The following LRP1B variants were observed in gnomAD, a reference collection of about 807,000 sequenced individuals.
The protein encoded by LRP1B is LDL receptor related protein 1B.
In LRP1B, 217 loss-of-function variants were observed where a neutral mutation model predicts 556.6. The observed-to-expected ratio is 0.39, with a 90% CI of 0.35 to 0.44. The LOEUF (loss-of-function observed/expected upper bound fraction) is 0.44, where lower values mean the gene tolerates loss of function less well. Ranked by LOEUF, LRP1B falls within the 20% of genes least tolerant of loss-of-function variation. LRP1B has a pLI of 1.00. For missense variants in LRP1B, 5,053 were observed against 5,620.8 expected, an observed-to-expected ratio of 0.90 and a Z score of 3.23; for synonymous variants, 2,047 against 1,865.8, an observed-to-expected ratio of 1.10 and a Z score of -2.50.
chr2:140,814,513 C>A (rs1691037874), intron 31 of LRP1B, among the ~76,000 whole-genome samples: 1 of 152,130 alleles, frequency 6.6e-6, no homozygotes, highest in Admixed American at 6.5e-5. Flanking sequence ...CTTCATTATG[C>A]CACTTTGCCT....
At chr2:140,380,999 T>C (rs147524258) in intron 67 of LRP1B, among the ~76,000 whole-genome samples, 1,595 of 152,276 alleles carry the variant, frequency 0.01, 32 homozygotes, top group African/African-American at 0.037. Context: ...TTTTTAAAAA[T>C]GCCAGCAAAT....
chr2:140,781,660 T>A (rs1235403135), intron 32 of LRP1B, among the ~76,000 whole-genome samples: 1 of 152,178 alleles, frequency 6.6e-6, no homozygotes, highest in Non-Finnish European at 1.5e-5. Flanking sequence ...CTGCTATTAG[T>A]GCTATGAAGA....
intron 79 of LRP1B, among the ~76,000 whole-genome samples, chr2:140,330,199 CAATAAT>C (rs70985089): frequency 0.12 from 16,081 of 137,904 alleles, 998 homozygotes; most frequent in Middle Eastern, 0.17. Context: ...GACTCTGTCT[CAATAAT>C]AATAATAATA....
chr2:141,289,163 T>C (rs1182266368), intron 3 of LRP1B, among the ~76,000 whole-genome samples: 1 of 151,664 alleles, frequency 6.6e-6, no homozygotes. Flanking sequence ...GGCGGGTGGA[T>C]CACGAGGTCA....
In LRP1B at chr2:140,819,907, C is replaced by G. The variant is rs576037546; in HGVS notation, c.5210-6101G>C. On this transcript the variant is annotated intron_variant, in intron 31 of 90. Coordinates refer to ENST00000389484, the MANE Select transcript of LRP1B (RefSeq NM_018557.3). ...ACATTTTCTTATAAAATTCAGCACACTAATGCAATATGACCCAGTATTGCA... is the reference window on the plus strand; with the variant it reads ...ACATTTTCTTATAAAATTCAGCACAGTAATGCAATATGACCCAGTATTGCA... Among the ~76,000 whole-genome samples the G allele has an allele frequency of 3.9e-5, 6 of 152,276 alleles. No homozygotes were observed. The East Asian group carries it at 1.2e-3, about 30-fold the overall frequency.
At chr2:141,441,974 T>C (rs773876193) in intron 3 of LRP1B, among the ~76,000 whole-genome samples, 3 of 152,176 alleles carry the variant, frequency 2.0e-5, no homozygotes, top group South Asian at 2.1e-4. Flanking sequence ...AAAAGAGCTC[T>C]TAAAACATCA....
chr2:141,549,241 T>C lies in LRP1B; in HGVS notation c.206-68708A>G, dbSNP rs188284763. 1.9e-3 allele frequency among the ~76,000 whole-genome samples: 291 copies of C among 152,248 alleles called. 3 individuals carry two copies. The highest frequency in any genetic ancestry group is 6.8e-3 in the African/African-American group (283 of 41,558). The stretch of plus-strand genomic sequence containing the variant: ...AGTATCCACATCCCAAAAATGGAGA[T>C]GATAAATGTAAACCTCATGACGTTA... On this transcript the variant is annotated intron_variant, in intron 2 of 90. Coordinates refer to ENST00000389484, the MANE Select transcript of LRP1B (RefSeq NM_018557.3).
intron 7 of LRP1B, among the ~76,000 whole-genome samples, chr2:141,177,714 G>C (rs1008868389): frequency 6.6e-6 from 1 of 152,040 alleles, no homozygotes; most frequent in East Asian, 1.9e-4. Context: ...GGACTCCCAG[G>C]TTCAGACTTT....
intron 9 of LRP1B, among the ~76,000 whole-genome samples, chr2:141,057,363 C>A (rs930399745): frequency 3.9e-5 from 6 of 151,972 alleles, no homozygotes; most frequent in African/African-American, 9.6e-5. Flanking sequence ...GGTATTCTTG[C>A]CACTCCTTGA....
intron 71 of LRP1B, among the ~76,000 whole-genome samples, chr2:140,366,585 AAG>A (rs1170826085): frequency 6.6e-6 from 1 of 151,778 alleles, no homozygotes; most frequent in Non-Finnish European, 1.5e-5. Flanking sequence ...GAGTCTACAA[AAG>A]AGACTGAGAA....
chr2:140,904,480 T>C lies in LRP1B; in HGVS notation c.3521-1315A>G, dbSNP rs767378796. Among the ~76,000 whole-genome samples, 66 of 152,260 alleles carry C rather than the reference T, an allele frequency of 4.3e-4. 1 individual carries two copies. Among genetic ancestry groups the C allele is most frequent in the Admixed American group, 7.2e-4 (11 of 15,274 alleles). On this transcript the variant is annotated intron_variant, in intron 22 of 90. Coordinates refer to ENST00000389484, the MANE Select transcript of LRP1B (RefSeq NM_018557.3). Reference sequence around the variant, plus strand: ...TAATGCAAATATTTCTGGTTGTCTATGAAAATGTATCCAGTATGAAAATTG... The same window carrying C: ...TAATGCAAATATTTCTGGTTGTCTACGAAAATGTATCCAGTATGAAAATTG...
intron 45 of LRP1B, among the ~76,000 whole-genome samples, chr2:140,537,890 G>C (rs564431527): frequency 6.6e-6 from 1 of 152,110 alleles, no homozygotes; most frequent in South Asian, 2.1e-4. Flanking sequence ...TTATTATTCA[G>C]TAATAGATTT....
intron 60 of LRP1B, among the ~76,000 whole-genome samples, chr2:140,464,121 G>A (rs1324675969): frequency 6.6e-6 from 1 of 151,984 alleles, no homozygotes; most frequent in Non-Finnish European, 1.5e-5. Context: ...GCTTGAATCC[G>A]GGAGGCAGAG....
chr2:141,437,868 C>T (rs1680820913), intron 3 of LRP1B, among the ~76,000 whole-genome samples: 1 of 151,964 alleles, frequency 6.6e-6, no homozygotes, highest in Non-Finnish European at 1.5e-5. Context: ...GAACTAAGAC[C>T]TTCTGCAAGG....
In LRP1B at chr2:140,495,715, C is replaced by T. The variant is rs1688895561; in HGVS notation, c.8884G>A (p.Asp2962Asn). ...KCWPGFQLKD[D>N]GKTCVDIDEC... ...TCAATGTCTACACATGTTTTGCCGT[C>T]ATCCTTCAGTTGGAATCCAGGCCAG... The change falls in exon 56 of 91, where the codon GAC (aspartate) becomes AAC (asparagine). Residue 2962 changes from aspartate to asparagine, a missense_variant. Asp to Asn is a conservative substitution (Grantham distance 23). Coordinates refer to ENST00000389484, the MANE Select transcript of LRP1B (RefSeq NM_018557.3). 8 of 1,611,230 alleles carry T rather than the reference C, an allele frequency of 5.0e-6. No homozygotes were observed. The highest frequency in any genetic ancestry group is 3.3e-5 in the South Asian group (3 of 90,984).
chr2:140,475,273 T>C lies in LRP1B; in HGVS notation c.9490A>G (p.Asn3164Asp). The C allele has an allele frequency of 6.2e-7, 1 of 1,612,094 alleles. No homozygotes were observed. Among genetic ancestry groups the C allele is most frequent in the Non-Finnish European group, 8.5e-7 (1 of 1,178,736 alleles). The change falls in exon 60 of 91, where the codon AAT becomes GAT. Residue 3164 changes from asparagine to aspartate, a missense_variant. Coordinates refer to ENST00000389484, the MANE Select transcript of LRP1B (RefSeq NM_018557.3). ...HIGRVGMDGT[N>D]QSVVIETKIS... The stretch of plus-strand genomic sequence containing the variant: ...TTGGTTTCTATGACAACACTCTGAT[T>C]GGTTCCATCCATTCCAACACGGCCA...
chr2:141,011,320 A>G (rs1184499679), intron 14 of LRP1B, among the ~76,000 whole-genome samples: 1 of 151,972 alleles, frequency 6.6e-6, no homozygotes. Flanking sequence ...AACACCATTG[A>G]GAGAAAATTA....
chr2:141,063,633 GTCTC>G (rs1019775241), intron 7 of LRP1B, among the ~76,000 whole-genome samples: 28 of 146,406 alleles, frequency 1.9e-4, no homozygotes, highest in Admixed American at 8.2e-4. Flanking sequence ...CTCCCCCTCC[GTCTC>G]TCTCTCTCTT....
intron 7 of LRP1B, among the ~76,000 whole-genome samples, chr2:141,136,441 C>T (rs1344745479): frequency 2.6e-5 from 4 of 151,598 alleles, no homozygotes; most frequent in Non-Finnish European, 3.0e-5. Context: ...TACAAACAAA[C>T]TTTTCTATTC....
Sources: gnomAD v4.1 joint callset for allele counts (sites outside exome capture counted in the v4.1 genomes callset) on GRCh38, gnomAD v4.1.1 for gene constraint, MANE v1.5 for transcripts, NCBI Gene and HGNC (gene_info 2026-07-23, HGNC 2026-07-21) for gene names.